The following KAZN variants were observed in gnomAD, a reference collection of about 807,000 sequenced individuals.
KAZN encodes the protein kazrin, periplakin interacting protein.
In KAZN, 40 loss-of-function variants were observed where a neutral mutation model predicts 87.4. The ratio of observed to expected loss-of-function variants is 0.46; its 90% CI spans 0.36 to 0.60. KAZN has a LOEUF of 0.60. Among genes scored for constraint, KAZN ranks in the 20% least tolerant of loss-of-function variants. KAZN has a pLI of 0.00. For synonymous variants in KAZN, 466 were observed against 458.3 expected (o/e 1.02, Z -0.22); for missense variants, 898 against 1,073.9 (o/e 0.84, Z 2.29).
chr1:15,038,307 G>A (rs1672542518), intron 3 of KAZN, among the ~76,000 whole-genome samples: 1 of 152,108 alleles, frequency 6.6e-6, no homozygotes, highest in Non-Finnish European at 1.5e-5. Flanking sequence ...CAGAGTCCAA[G>A]AGGATCCAAA....
intron 1 of KAZN, among the ~76,000 whole-genome samples, chr1:13,904,303 C>G (rs1374712848): frequency 6.6e-6 from 1 of 152,098 alleles, no homozygotes; most frequent in Non-Finnish European, 1.5e-5. Flanking sequence ...CCCCTCATGC[C>G]TCCTCCCTTC....
intron 1 of KAZN, among the ~76,000 whole-genome samples, chr1:14,053,929 A>T (rs1485781019): frequency 6.6e-6 from 1 of 152,202 alleles, no homozygotes; most frequent in Non-Finnish European, 1.5e-5. Flanking sequence ...AGAGAAAAAA[A>T]TGTTACTAAG....
chr1:14,169,411 T>C (rs927075131), intron 1 of KAZN, among the ~76,000 whole-genome samples: 1 of 152,134 alleles, frequency 6.6e-6, no homozygotes, highest in Non-Finnish European at 1.5e-5. Context: ...AGAGTTTCCA[T>C]GTTATATGTC....
At chr1:14,549,765 A>G (rs1412821823) in intron 2 of KAZN, among the ~76,000 whole-genome samples, 1 of 138,188 alleles carries the variant, frequency 7.2e-6, no homozygotes, top group East Asian at 2.2e-4. Flanking sequence ...TCTTCCCACC[A>G]GCGACAGGCA....
At chr1:14,930,259 T>C (rs758055578) in intron 1 of KAZN, among the ~76,000 whole-genome samples, 10 of 152,222 alleles carry the variant, frequency 6.6e-5, no homozygotes, top group Non-Finnish European at 1.3e-4. Flanking sequence ...ATTCGGAGGC[T>C]GGCTCAGGCT....
chr1:14,559,015 G>A (rs564200187), intron 2 of KAZN, among the ~76,000 whole-genome samples: 58 of 152,124 alleles, frequency 3.8e-4, no homozygotes, highest in Non-Finnish European at 6.5e-4. Context: ...CCAAATGGTT[G>A]CTCTAGCTCC....
rs956687952 is a variant in KAZN, at chr1:14,328,933, T to C, written c.249+148341T>C. 3.3e-5 allele frequency among the ~76,000 whole-genome samples: 5 copies of C among 152,068 alleles called. No individual in the cohort carries two copies. The East Asian group carries it at 5.8e-4, about 18-fold the overall frequency. ...AGCAAAATAATGACTCAGAGGGAAA[T>C]AGGTGTTCAGGATGTAAAAGGACAT... On this transcript the variant is annotated intron_variant, in intron 2 of 16. Transcript: ENST00000636203.
At chr1:14,534,870 C>T (rs1557783319) in intron 2 of KAZN, among the ~76,000 whole-genome samples, 1 of 152,058 alleles carries the variant, frequency 6.6e-6, no homozygotes. Context: ...TGTGTTCTAC[C>T]TTCTCCTCTG....
chr1:14,385,875 T>C (rs1321913982), intron 2 of KAZN, among the ~76,000 whole-genome samples: 1 of 148,080 alleles, frequency 6.8e-6, no homozygotes, highest in Non-Finnish European at 1.5e-5. Context: ...CCTTGTTGAC[T>C]TTCTGTCTCG....
At chr1:14,181,769 G>A (rs1389901678) in intron 2 of KAZN, among the ~76,000 whole-genome samples, 1 of 152,154 alleles carries the variant, frequency 6.6e-6, no homozygotes. Context: ...AGAAAAAAGG[G>A]AAATTTAGAA....
intron 2 of KAZN, among the ~76,000 whole-genome samples, chr1:14,985,006 C>G (rs960962732): frequency 6.6e-6 from 1 of 151,912 alleles, no homozygotes; most frequent in East Asian, 1.9e-4. Context: ...CGTGGTGGTG[C>G]TCACCTGTAG....
chr1:14,358,435 CTGATT>C (rs1659226662), intron 2 of KAZN, among the ~76,000 whole-genome samples: 1 of 149,772 alleles, frequency 6.7e-6, no homozygotes, highest in African/African-American at 2.4e-5. Context: ...CAGTTCTGCT[CTGATT>C]TTAGTTATTT....
At chr1:14,577,545 C>T (rs528364941) in intron 2 of KAZN, among the ~76,000 whole-genome samples, 40 of 152,274 alleles carry the variant, frequency 2.6e-4, no homozygotes, top group African/African-American at 9.6e-4. Flanking sequence ...TGTGCTTCAG[C>T]AGCAAGATCA....
At chr1:15,020,373 C>G (rs1303568804) in intron 2 of KAZN, among the ~76,000 whole-genome samples, 1 of 152,086 alleles carries the variant, frequency 6.6e-6, no homozygotes, top group Non-Finnish European at 1.5e-5. Context: ...TAATCAGCAC[C>G]CAGATCAAGA....
chr1:14,620,386 G>A (rs566185212), intron 1 of KAZN, among the ~76,000 whole-genome samples: 1 of 152,292 alleles, frequency 6.6e-6, no homozygotes, highest in South Asian at 2.1e-4. Context: ...AACACCCAGA[G>A]AAACTGCTTG....
intron 2 of KAZN, among the ~76,000 whole-genome samples, chr1:14,407,911 C>A (rs1210662733): frequency 3.3e-5 from 5 of 152,098 alleles, no homozygotes; most frequent in Non-Finnish European, 7.4e-5. Flanking sequence ...GTTTTTTAGA[C>A]ATTTCATTAT....
intron 1 of KAZN, among the ~76,000 whole-genome samples, chr1:13,915,884 A>G (rs1320796676): frequency 2.6e-5 from 4 of 152,220 alleles, no homozygotes; most frequent in Non-Finnish European, 1.5e-5. Flanking sequence ...AGCCACATAA[A>G]CTAATTCTAG....
intron 2 of KAZN, among the ~76,000 whole-genome samples, chr1:15,011,188 G>A (rs974420256): frequency 1.3e-5 from 2 of 152,222 alleles, no homozygotes; most frequent in East Asian, 3.8e-4. Flanking sequence ...AGAAGACTGA[G>A]CCCCAGAGGC....
chr1:14,970,214 T>A (rs1399520037), intron 2 of KAZN, among the ~76,000 whole-genome samples: 2 of 152,238 alleles, frequency 1.3e-5, no homozygotes, highest in Admixed American at 1.3e-4. Context: ...AGCGTTGCTG[T>A]ATACCCAGTT....
Sources: gnomAD v4.1 joint callset for allele counts (sites outside exome capture counted in the v4.1 genomes callset) on GRCh38, gnomAD v4.1.1 for gene constraint, MANE v1.5 for transcripts, NCBI Gene and HGNC (gene_info 2026-07-23, HGNC 2026-07-21) for gene names.